Variants in FER observed in about 807,000 individuals in gnomAD.
The protein encoded by FER is FER tyrosine kinase.
In FER, 63 loss-of-function variants were observed where a neutral mutation model predicts 111.0. The observed-to-expected ratio is 0.57, with a 90% confidence interval of 0.46 to 0.70. The LOEUF (loss-of-function observed/expected upper bound fraction) is 0.70, where lower values mean the gene tolerates loss of function less well. FER is among the 30% of genes least tolerant of loss of function. FER has a pLI of 0.00. For synonymous variants in FER, 327 were observed against 313.9 expected (o/e 1.04, Z -0.44); for missense variants, 914 against 954.0 (o/e 0.96, Z 0.55).
At chr5:109,172,659 T>C (rs905833012) in intron 17 of FER, among the ~76,000 whole-genome samples, 1 of 152,050 alleles carries the variant, frequency 6.6e-6, no homozygotes, top group African/African-American at 2.4e-5. Flanking sequence ...AAAAAAATTT[T>C]TTATATGTTT....
chr5:109,061,932 A>G (rs2416196), intron 16 of FER, among the ~76,000 whole-genome samples: 25,010 of 152,090 alleles, frequency 0.16, 2,123 homozygotes, highest in South Asian at 0.21. Context: ...AATGTTTGAG[A>G]AGATTATAAG....
rs1760181728 is a variant in FER at position 108,832,770 on chromosome 5, T to G, written c.208T>G (p.Ser70Ala). The change falls in exon 4 of 20, where the codon TCT becomes GCT. Residue 70 changes from serine to alanine, a missense_variant and splice_region_variant. Ser to Ala is a moderately conservative substitution (Grantham distance 99, BLOSUM62 1). This residue lies in a region of FER where 774 missense variants were observed against 782.6 expected (regional missense o/e 0.99). Coordinates refer to ENST00000281092, the MANE Select transcript of FER (RefSeq NM_005246.4). Reference sequence around the variant, plus strand: ...TGTTTCTTTTTTTTTTTTTTTTAAGTCTTGGCTACTTATGATTCAGCAGAC... The same window carrying G: ...TGTTTCTTTTTTTTTTTTTTTTAAGGCTTGGCTACTTATGATTCAGCAGAC... ...QMNYVSNVSK[S>A]WLLMIQQTEQ... The G allele has an allele frequency of 6.8e-7, 1 of 1,460,944 alleles. No individual in the cohort carries two copies. Among genetic ancestry groups the G allele is most frequent in the Non-Finnish European group, 9.1e-7 (1 of 1,102,666 alleles). 90.5% of individuals were successfully genotyped at this position (1,460,944 alleles called of 1,614,324 possible). A position where few individuals can be genotyped will look rare whatever the true frequency, so the allele number is the denominator to read the frequency against.
chr5:108,980,873 T>A (rs903793407), intron 13 of FER, among the ~76,000 whole-genome samples: 3 of 152,178 alleles, frequency 2.0e-5, no homozygotes, highest in African/African-American at 7.2e-5. Context: ...ATTCAACTTA[T>A]AATTCAGATT....
At chr5:108,944,136 C>T (rs1360396514) in intron 10 of FER, among the ~76,000 whole-genome samples, 1 of 151,716 alleles carries the variant, frequency 6.6e-6, no homozygotes, top group East Asian at 1.9e-4. Flanking sequence ...CACACACACA[C>T]ACACAAACAC....
chr5:108,837,979 T>G (rs1760841330), intron 5 of FER, among the ~76,000 whole-genome samples: 1 of 152,200 alleles, frequency 6.6e-6, no homozygotes. Context: ...CATTAAATCC[T>G]ACAGAATATA....
chr5:108,819,980 A>G, intron 3 of FER: 1 of 985,330 alleles, frequency 1.0e-6, no homozygotes, highest in Non-Finnish European at 1.2e-6. Flanking sequence ...CCAATGAAGG[A>G]TAATCTGGAA....
intron 5 of FER, among the ~76,000 whole-genome samples, chr5:108,844,774 G>T (rs1032745195): frequency 6.6e-6 from 1 of 151,270 alleles, no homozygotes; most frequent in African/African-American, 2.4e-5. Context: ...ACTCTATTTT[G>T]TCTGCCTTAA....
At chr5:108,910,815 T>G in intron 10 of FER, among the ~76,000 whole-genome samples, 1 of 152,088 alleles carries the variant, frequency 6.6e-6, no homozygotes, top group East Asian at 1.9e-4. Flanking sequence ...GCAAAGGACA[T>G]TATTTCATTA....
In FER at chr5:109,186,298, C is replaced by G. The variant is rs1414329914; in HGVS notation, c.2302C>G (p.Gln768Glu). 2.7e-5 allele frequency: 43 copies of G among 1,613,928 alleles called. No homozygotes were observed. The highest frequency in any genetic ancestry group is 3.6e-5 in the Non-Finnish European group (42 of 1,179,996). Reference sequence around the variant, plus strand: ...TCCGTACCCTGGAATGACAAATCAGCAAGCAAGAGAGCAAGTAGAAAGAGG... The same window carrying G: ...TCCGTACCCTGGAATGACAAATCAGGAAGCAAGAGAGCAAGTAGAAAGAGG... ...VCPYPGMTNQ[Q>E]AREQVERGYR... Residue 768 changes from glutamine to glutamate, a missense_variant, in exon 19 of 20, where the codon CAA (glutamine) becomes GAA (glutamate). Physicochemically the swap from Gln to Glu is conservative, Grantham distance 29. This residue lies in a region of FER where 134 missense variants were observed against 149.4 expected (regional missense o/e 0.90). Coordinates refer to ENST00000281092, the MANE Select transcript of FER (RefSeq NM_005246.4).
intron 17 of FER, among the ~76,000 whole-genome samples, chr5:109,116,704 T>A (rs140263295): frequency 6.6e-6 from 1 of 152,168 alleles, no homozygotes; most frequent in South Asian, 2.1e-4. Flanking sequence ...ATGCAGCCTG[T>A]CTTCCTACAC....
At chr5:108,764,078 G>A (rs35764670) in intron 1 of FER, among the ~76,000 whole-genome samples, 20,833 of 152,044 alleles carry the variant, frequency 0.14, 1,616 homozygotes, top group Non-Finnish European at 0.19. Context: ...CCAGACCCAG[G>A]TTATGTTCCT....
At chr5:108,917,768 A>G (rs1752454170) in intron 10 of FER, among the ~76,000 whole-genome samples, 1 of 152,236 alleles carries the variant, frequency 6.6e-6, no homozygotes, top group Non-Finnish European at 1.5e-5. Context: ...AGCTCAGTAG[A>G]ATGACCATGT....
At chr5:108,802,037 A>G (rs1756713979) in intron 3 of FER, among the ~76,000 whole-genome samples, 1 of 152,182 alleles carries the variant, frequency 6.6e-6, no homozygotes, top group Non-Finnish European at 1.5e-5. Context: ...GAGCGGTGTC[A>G]CCTTAAAACT....
chr5:108,810,502 C>G (rs560475054), intron 3 of FER, among the ~76,000 whole-genome samples: 2 of 152,330 alleles, frequency 1.3e-5, no homozygotes, highest in African/African-American at 4.8e-5. Context: ...CAATGGGTGT[C>G]CACCAAGTGC....
chr5:108,845,159 A>G (rs1345065618), intron 5 of FER, among the ~76,000 whole-genome samples: 1 of 146,462 alleles, frequency 6.8e-6, no homozygotes, highest in Non-Finnish European at 1.5e-5. Flanking sequence ...TAATTCTAGT[A>G]GACTTTTGTT....
At chr5:109,050,212 A>G (rs1240339977) in intron 16 of FER, among the ~76,000 whole-genome samples, 1 of 152,240 alleles carries the variant, frequency 6.6e-6, no homozygotes, top group African/African-American at 2.4e-5. Context: ...AAAAGAGAGA[A>G]AATAAAGAAT....
intron 10 of FER, among the ~76,000 whole-genome samples, chr5:108,908,939 G>T (rs929793023): frequency 6.6e-6 from 1 of 152,154 alleles, no homozygotes; most frequent in Non-Finnish European, 1.5e-5. Flanking sequence ...ACTAAGGTGG[G>T]ACGATGGCTT....
Position 109,089,797 on chromosome 5 carries a change from C to T in FER, c.1925-10599C>T, listed in dbSNP as rs118031790. ...ATGAAATGTTTAGCCAGTATTCCAC[C>T]TTTTCAGAGATCTCCCCAGAGAACT... On this transcript the variant is annotated intron_variant, in intron 16 of 19. Transcript: ENST00000281092. Among the ~76,000 whole-genome samples the T allele has an allele frequency of 4.1e-4, 63 of 152,210 alleles. 2 individuals carry two copies. The East Asian group carries it at 0.012, about 29-fold the overall frequency.
chr5:109,150,458 ACTCT>A (rs1330399570), intron 17 of FER, among the ~76,000 whole-genome samples: 1 of 151,572 alleles, frequency 6.6e-6, no homozygotes, highest in African/African-American at 2.4e-5. Context: ...CCCTTTTATT[ACTCT>A]CTCATAGCAC....
Sources: gnomAD v4.1 joint callset for allele counts (sites outside exome capture counted in the v4.1 genomes callset) on GRCh38, gnomAD v4.1.1 for gene constraint, gnomAD v4.1.1 regional missense constraint, MANE v1.5 for transcripts, NCBI Gene and HGNC (gene_info 2026-07-23, HGNC 2026-07-21) for gene names.